BBOF1: variants seen among roughly 807,000 people sequenced by gnomAD.
The protein encoded by BBOF1 is basal body orientation factor 1.
In BBOF1, 62 loss-of-function variants were observed where a neutral mutation model predicts 68.0. The ratio of observed to expected loss-of-function variants is 0.91; its 90% CI spans 0.74 to 1.13. BBOF1 has a LOEUF of 1.13. BBOF1 is among the 50% of genes most tolerant of loss of function. The pLI, the probability that BBOF1 is intolerant of heterozygous loss-of-function variation, is 0.00. For missense variants in BBOF1, 534 were observed against 600.1 expected, an observed-to-expected ratio of 0.89 and a Z score of 1.15; for synonymous variants, 208 against 198.8, an observed-to-expected ratio of 1.05 and a Z score of -0.39.
intron 10 of BBOF1, among the ~76,000 whole-genome samples, chr14:74,080,680 C>T (rs1218593543): frequency 3.9e-5 from 6 of 152,072 alleles, no homozygotes; most frequent in Admixed American, 1.3e-4. Context: ...TAGCCTCAAG[C>T]GATCCTCCTG....
intron 5 of BBOF1, among the ~76,000 whole-genome samples, chr14:74,044,421 C>G (rs35113650): frequency 0.11 from 16,853 of 151,200 alleles, 1,232 homozygotes; most frequent in Admixed American, 0.19. Context: ...CATATAAATC[C>G]CTGCTCTGCC....
intron 2 of BBOF1, among the ~76,000 whole-genome samples, chr14:74,028,514 AT>A (rs1291008931): frequency 5.2e-5 from 6 of 115,750 alleles, no homozygotes; most frequent in African/African-American, 1.7e-4. Flanking sequence ...ACACACACAA[AT>A]AGAGGGAAAG....
At chr14:74,019,655 C>A in intron 1 of BBOF1, 121 bp downstream of exon 1, 2 of 1,477,698 alleles carry the variant, frequency 1.4e-6, no homozygotes, top group Non-Finnish European at 9.1e-7. Flanking sequence ...GCTCTCCCGG[C>A]TTGTGAGGAT....
In BBOF1 at chr14:74,057,781, G is replaced by A. The variant is rs939793039; in HGVS notation, c.1578+523G>A. The A allele has an allele frequency of 4.0e-5, 43 of 1,085,748 alleles. No homozygotes were observed. Among genetic ancestry groups the A allele is most frequent in the Middle Eastern group, 4.4e-4 (1 of 2,288 alleles). The allele number at this position is 1,085,748 out of a possible 1,614,324, so 67.3% of individuals were successfully genotyped here. ...AAAAGAAAATACTGACTTTTTAGCC[G>A]CGATCACATGAATATAACTGATGAG... On this transcript the variant is annotated intron_variant, in intron 11 of 11. Coordinates refer to ENST00000394009, the MANE Select transcript of BBOF1 (RefSeq NM_025057.3).
intron 1 of BBOF1, among the ~76,000 whole-genome samples, chr14:74,019,982 C>T (rs907041439): frequency 1.3e-5 from 2 of 151,972 alleles, no homozygotes; most frequent in Non-Finnish European, 2.9e-5. Flanking sequence ...GCAACAACAC[C>T]ATATATGGGA....
At chr14:74,043,741 C>T (rs1361292488) in intron 5 of BBOF1, among the ~76,000 whole-genome samples, 1 of 149,362 alleles carries the variant, frequency 6.7e-6, no homozygotes, top group African/African-American at 2.5e-5. Context: ...CCATGTTGAC[C>T]AGGCTGGTCT....
chr14:74,065,396 T>G lies in BBOF1; in HGVS notation c.*697T>G. Reference sequence around the variant, plus strand: ...TGATGCATCCAGAAAAGAAGTCAGCTTTTTGGATTCTGAGTATTTTATGCT... The same window carrying G: ...TGATGCATCCAGAAAAGAAGTCAGCGTTTTGGATTCTGAGTATTTTATGCT... On this transcript the variant is annotated 3_prime_UTR_variant, in exon 12 of 12. Transcript: ENST00000394009. The G allele has an allele frequency of 1.9e-6, 3 of 1,602,392 alleles. No homozygotes were observed. The highest frequency in any genetic ancestry group is 1.7e-6 in the Non-Finnish European group (2 of 1,171,848).
intron 3 of BBOF1, among the ~76,000 whole-genome samples, chr14:74,032,190 G>A (rs2059587853): frequency 1.4e-5 from 2 of 140,218 alleles, no homozygotes; most frequent in South Asian, 2.3e-4. Context: ...GCAGTGGCAC[G>A]ATCTCGGCTG....
Position 74,049,944 on chromosome 14 carries a change from G to A in BBOF1, c.1035G>A (p.Val345=), listed in dbSNP as rs1252553407. 1 of 1,614,194 alleles carries A rather than the reference G, an allele frequency of 6.2e-7. No homozygotes were observed. The highest frequency in any genetic ancestry group is 2.2e-5 in the East Asian group (1 of 44,892). ...TGAAGGACAGGGAAATGAATCGTGT[G>A]AAGAAGCTGGCCAAGAACATACTGG... ...LQMKDREMNR[V]KKLAKNILDE... Residue 345 remains valine (V), a synonymous_variant, in exon 8 of 12, where the codon GTG becomes GTA. Transcript: ENST00000394009.
chr14:74,066,538 A>T (rs2060468729), downstream of BBOF1, among the ~76,000 whole-genome samples: 1 of 152,236 alleles, frequency 6.6e-6, no homozygotes, highest in Middle Eastern at 3.4e-3. Flanking sequence ...TTTGGTTGGG[A>T]GTTAGAAGGA....
chr14:74,059,433 T>G, intron 11 of BBOF1: 1 of 453,996 alleles, frequency 2.2e-6, no homozygotes. Flanking sequence ...TGGTGGCTCA[T>G]GCCTGTAATC....
chr14:74,037,510 G>A (rs1375475414), intron 4 of BBOF1, among the ~76,000 whole-genome samples: 2 of 144,224 alleles, frequency 1.4e-5, no homozygotes, highest in Non-Finnish European at 3.0e-5. Flanking sequence ...GGCTGGTCTC[G>A]AACTCCTGGG....
chr14:74,079,675 G>A (rs1273450944), intron 10 of BBOF1, among the ~76,000 whole-genome samples: 4 of 151,136 alleles, frequency 2.6e-5, no homozygotes, highest in Non-Finnish European at 3.0e-5. Context: ...CTCATGATCC[G>A]CCCGCCTCAG....
chr14:74,022,046 A>C (rs889926321), intron 1 of BBOF1, among the ~76,000 whole-genome samples: 1 of 152,182 alleles, frequency 6.6e-6, no homozygotes, highest in Admixed American at 6.5e-5. Context: ...AAAGTCCAGC[A>C]CTGAGTGAGT....
chr14:74,078,138 C>T (rs1433908715), intron 9 of BBOF1: 3 of 449,866 alleles, frequency 6.7e-6, no homozygotes, highest in Non-Finnish European at 1.3e-5. Context: ...CTTAAAACTC[C>T]CAATTCTACT....
intron 6 of BBOF1, among the ~76,000 whole-genome samples, chr14:74,047,553 C>G (rs890751868): frequency 5.6e-4 from 85 of 152,150 alleles, no homozygotes; most frequent in African/African-American, 1.8e-3. Flanking sequence ...CCTTCCTCAG[C>G]TTCCTGAGTA....
At chr14:74,035,285 T>C (rs960072895) in intron 4 of BBOF1, among the ~76,000 whole-genome samples, 3 of 152,140 alleles carry the variant, frequency 2.0e-5, no homozygotes, top group African/African-American at 7.2e-5. Context: ...TACTTTAGTA[T>C]AGCAAAGGCT....
At chr14:74,022,888 A>G in intron 1 of BBOF1, 28 bp from the exon 2 acceptor site, 1 of 1,297,470 alleles carries the variant, frequency 7.7e-7, no homozygotes, top group African/African-American at 1.5e-5. Context: ...AAATAGTCAT[A>G]TACTGTCAAT....
chr14:74,038,306 A>G (rs2059755490), intron 4 of BBOF1, among the ~76,000 whole-genome samples: 1 of 152,258 alleles, frequency 6.6e-6, no homozygotes, highest in Admixed American at 6.5e-5. Context: ...GAATCAACAT[A>G]ATTAACTTTT....
Sources: allele counts gnomAD v4.1 joint callset (sites outside exome capture counted in the v4.1 genomes callset), GRCh38; gene constraint gnomAD v4.1.1; transcripts MANE v1.5; gene names NCBI Gene and HGNC (gene_info 2026-07-23, HGNC 2026-07-21).